The following SERPINB5 variants were observed in gnomAD, a reference collection of about 807,000 sequenced individuals.
SERPINB5 encodes serpin B5.
Under a neutral mutation model 32.2 loss-of-function variants are expected in SERPINB5, and 27 were observed. The observed-to-expected ratio is 0.84, with a 90% CI of 0.62 to 1.16. SERPINB5 has a LOEUF of 1.16. SERPINB5 is among the 50% of genes most tolerant of loss of function. SERPINB5 has a pLI of 0.00. For synonymous variants in SERPINB5, 154 were observed against 157.4 expected, an observed-to-expected ratio of 0.98 and a Z score of 0.16; for missense variants, 388 against 436.3, an observed-to-expected ratio of 0.89 and a Z score of 0.99.
chr18:63,489,613 T>TAAACAACTTGGATTTCTGGGCA (rs1917270179), intron 4 of SERPINB5, 149 bp downstream of exon 4: 2 of 585,732 alleles, frequency 3.4e-6, no homozygotes, highest in Middle Eastern at 2.7e-4. Flanking sequence ...TTCAAGCCTG[T>TAAACAACTTGGATTTCTGGGCA]AAACAACTTG....
chr18:63,489,945 C>T lies in SERPINB5; in HGVS notation c.424+481C>T, dbSNP rs529808944. On this transcript the variant is annotated intron_variant, in intron 4 of 6. Coordinates refer to ENST00000382771, the MANE Select transcript of SERPINB5 (RefSeq NM_002639.5). ...CGGTGGCTCACGCCTGTAATCCCAGCACTTTGGGAGGCCAAGGCGGGCGGA... is the reference window on the plus strand; with the variant it reads ...CGGTGGCTCACGCCTGTAATCCCAGTACTTTGGGAGGCCAAGGCGGGCGGA... Among the ~76,000 whole-genome samples the T allele has an allele frequency of 3.9e-5, 6 of 152,326 alleles. No individual in the cohort carries two copies. The East Asian group carries it at 1.2e-3, about 29-fold the overall frequency.
chr18:63,491,345 T>C (rs370997915), intron 4 of SERPINB5, among the ~76,000 whole-genome samples: 1 of 131,926 alleles, frequency 7.6e-6, no homozygotes, highest in African/African-American at 3.0e-5. Flanking sequence ...GAGGTTGCAA[T>C]GAGCTGAGAT....
chr18:63,491,050 A>C (rs1909322468), intron 4 of SERPINB5, among the ~76,000 whole-genome samples: 1 of 152,156 alleles, frequency 6.6e-6, no homozygotes, highest in Admixed American at 6.5e-5. Flanking sequence ...CTTAGCTCCC[A>C]CTTATAAGTG....
intron 6 of SERPINB5, among the ~76,000 whole-genome samples, chr18:63,500,831 G>A (rs879728694): frequency 6.6e-5 from 10 of 152,076 alleles, no homozygotes; most frequent in Non-Finnish European, 8.8e-5. Flanking sequence ...TTGCCATTAT[G>A]TTTTAGCCAC....
intron 1 of SERPINB5, among the ~76,000 whole-genome samples, chr18:63,481,963 A>G (rs1321464001): frequency 6.6e-6 from 1 of 152,172 alleles, no homozygotes; most frequent in Admixed American, 6.5e-5. Context: ...GCCTCGTGGT[A>G]TATTTGCAAT....
intron 6 of SERPINB5, among the ~76,000 whole-genome samples, chr18:63,502,778 G>C (rs1384829743): frequency 2.0e-5 from 3 of 152,046 alleles, no homozygotes; most frequent in Non-Finnish European, 2.9e-5. Context: ...CAGCACTTTG[G>C]GAGGCTGAGG....
chr18:63,491,444 G>T (rs1446468401), intron 4 of SERPINB5, among the ~76,000 whole-genome samples: 22 of 146,138 alleles, frequency 1.5e-4, no homozygotes, highest in Admixed American at 4.8e-4. Flanking sequence ...ATGGTCTTCA[G>T]CTCCATCTAG....
chr18:63,503,252 C>T (rs1193831555), intron 6 of SERPINB5, 78 bp from the exon 7 acceptor site: 2 of 1,463,478 alleles, frequency 1.4e-6, no homozygotes, highest in East Asian at 2.5e-5. Context: ...TATCATAACA[C>T]CTTATGTTTT....
intron 1 of SERPINB5, among the ~76,000 whole-genome samples, chr18:63,482,390 A>T (rs898519951): frequency 1.3e-5 from 2 of 152,180 alleles, no homozygotes; most frequent in Non-Finnish European, 2.9e-5. Flanking sequence ...AAGACCTTCA[A>T]TGTCACATTC....
chr18:63,476,979 C>T lies in SERPINB5; in HGVS notation c.-74C>T, dbSNP rs1157226133. 1 of 152,362 alleles carries T rather than the reference C, an allele frequency of 6.6e-6. No homozygotes were observed. The highest frequency in any genetic ancestry group is 1.5e-5 in the Non-Finnish European group (1 of 68,138). 9.4% of individuals were successfully genotyped at this position (152,362 alleles called of 1,614,324 possible). A position where few individuals can be genotyped will look rare whatever the true frequency, so the allele number is the denominator to read the frequency against. On this transcript the variant is annotated 5_prime_UTR_variant, in exon 1 of 7. Coordinates refer to ENST00000382771, the MANE Select transcript of SERPINB5 (RefSeq NM_002639.5). ...GCCCAGACACGGTCGCCTCCACATC[C>T]AGGTCTTTGTGCTCCTCGCTTGCCT... is the stretch of plus-strand genomic sequence containing the variant.
intron 6 of SERPINB5, among the ~76,000 whole-genome samples, chr18:63,500,177 C>T (rs1909542098): frequency 6.6e-6 from 1 of 151,808 alleles, no homozygotes; most frequent in Non-Finnish European, 1.5e-5. Flanking sequence ...AAGTGATCCT[C>T]CTGCCTCAGC....
intron 1 of SERPINB5, among the ~76,000 whole-genome samples, chr18:63,481,139 C>G (rs1917120669): frequency 6.6e-6 from 1 of 152,230 alleles, no homozygotes; most frequent in South Asian, 2.1e-4. Context: ...AATTGCAACA[C>G]AGCATTAATT....
chr18:63,493,338 T>C (rs1431361475), intron 5 of SERPINB5: 8 of 583,356 alleles, frequency 1.4e-5, no homozygotes, highest in Non-Finnish European at 2.1e-5. Flanking sequence ...ATAGAATTTG[T>C]AACCCAGCGA....
chr18:63,486,719 C>G (rs891255872), intron 2 of SERPINB5: 18 of 385,990 alleles, frequency 4.7e-5, no homozygotes, highest in Admixed American at 1.2e-4. Context: ...CCACTGGCAT[C>G]TAGTAGGTCA....
At chr18:63,491,631 C>T (rs982159990) in intron 4 of SERPINB5, among the ~76,000 whole-genome samples, 20 of 151,750 alleles carry the variant, frequency 1.3e-4, no homozygotes, top group African/African-American at 2.9e-4. Flanking sequence ...CGTGCCACTA[C>T]GCCCAGCTAA....
intron 5 of SERPINB5, chr18:63,497,115 A>G (rs1333315165): frequency 4.9e-6 from 3 of 618,254 alleles, no homozygotes; most frequent in East Asian, 3.8e-5. Flanking sequence ...GCCTTCCTAC[A>G]GCAGCTCCCC....
At position 63,486,276 on chromosome 18, in the gene SERPINB5, C is replaced by T. The variant is rs1046784652; in HGVS notation, c.169-670C>T. On this transcript the variant is annotated intron_variant, in intron 2 of 6. Coordinates refer to ENST00000382771, the MANE Select transcript of SERPINB5 (RefSeq NM_002639.5). ...GGTGGTGAAGGCTGGGATTCACAGG[C>T]AGGGCCATCTGACTCTAGCCAGCCC... 3.4e-4 allele frequency among the ~76,000 whole-genome samples: 51 copies of T among 152,184 alleles called. 1 individual carries two copies. The highest frequency in any genetic ancestry group is 1.2e-3 in the African/African-American group (48 of 41,444).
intron 1 of SERPINB5, among the ~76,000 whole-genome samples, chr18:63,482,514 T>A (rs904372568): frequency 2.0e-5 from 3 of 152,210 alleles, no homozygotes; most frequent in Admixed American, 6.5e-5. Flanking sequence ...AGAAACATGC[T>A]GTCCTGGCTT....
At chr18:63,486,241 T>C (rs552747619) in intron 2 of SERPINB5, among the ~76,000 whole-genome samples, 9 of 151,620 alleles carry the variant, frequency 5.9e-5, no homozygotes, top group African/African-American at 9.7e-5. Flanking sequence ...CTCTGAAGAG[T>C]TGGAGAAGAG....
Sources: gnomAD v4.1 joint callset for allele counts (sites outside exome capture counted in the v4.1 genomes callset) on GRCh38, gnomAD v4.1.1 for gene constraint, MANE v1.5 for transcripts, NCBI Gene and HGNC (gene_info 2026-07-23, HGNC 2026-07-21) for gene names.